LCP2: variants seen among roughly 807,000 people sequenced by gnomAD.
LCP2 encodes 76 kDa tyrosine phosphoprotein.
In LCP2, 29 loss-of-function variants were observed where a neutral mutation model predicts 74.5. The ratio of observed to expected loss-of-function variants is 0.39; its 90% CI spans 0.29 to 0.53. LCP2 has a LOEUF of 0.53. Ranked by LOEUF, LCP2 falls within the 20% of genes least tolerant of loss-of-function variation. The pLI is 0.72. For synonymous variants in LCP2, 228 were observed against 229.5 expected (o/e 0.99, Z 0.06); for missense variants, 604 against 634.6 (o/e 0.95, Z 0.52).
intron 8 of LCP2, chr5:170,267,294 C>T (rs762771393): frequency 1.8e-4 from 108 of 595,890 alleles, no homozygotes; most frequent in Non-Finnish European, 2.9e-4. Flanking sequence ...GCAGAGTGAG[C>T]ATGTCACTTT....
intron 3 of LCP2, among the ~76,000 whole-genome samples, chr5:170,279,802 CG>C (rs1762069986): frequency 6.6e-6 from 1 of 152,112 alleles, no homozygotes; most frequent in Admixed American, 6.5e-5. Context: ...TGGGGGTATG[CG>C]GGGCCTTAGC....
At chr5:170,281,472 GC>G (rs1455232120) in intron 3 of LCP2, among the ~76,000 whole-genome samples, 1 of 152,170 alleles carries the variant, frequency 6.6e-6, no homozygotes, top group Non-Finnish European at 1.5e-5. Flanking sequence ...AGTAGAAACA[GC>G]GTTTCACTGT....
intron 13 of LCP2, 79 bp from the exon 14 acceptor site, chr5:170,261,216 C>T (rs2113164349): frequency 9.1e-7 from 1 of 1,104,632 alleles, no homozygotes; most frequent in Non-Finnish European, 1.4e-6. Context: ...AGTTTTGCTT[C>T]ATTGAATAAT....
intron 13 of LCP2, among the ~76,000 whole-genome samples, chr5:170,261,425 ACACT>A (rs757208099): frequency 5.3e-4 from 79 of 149,736 alleles, no homozygotes; most frequent in Non-Finnish European, 1.0e-3. Context: ...ATATATATAC[ACACT>A]CTATATGTAT....
intron 19 of LCP2, chr5:170,251,767 CA>C (rs1405036226): frequency 2.4e-6 from 1 of 414,252 alleles, no homozygotes; most frequent in African/African-American, 2.0e-5. Context: ...GCTGACACAG[CA>C]CCCCCAGAAT....
chr5:170,275,307 C>T lies in LCP2; in HGVS notation c.286+13G>A. On this transcript the variant is annotated intron_variant, in intron 5 of 20. Transcript: ENST00000046794. ...CTCCTAAAGCAATCACCTCTGAGCC[C>T]TGAGAGCTTTACCTGTCTCTTCAGG... 1 of 1,613,980 alleles carries T rather than the reference C, an allele frequency of 6.2e-7. No individual in the cohort carries two copies. Among genetic ancestry groups the T allele is most frequent in the Non-Finnish European group, 8.5e-7 (1 of 1,179,874 alleles).
intron 7 of LCP2, among the ~76,000 whole-genome samples, chr5:170,270,098 C>A (rs573260962): frequency 2.0e-4 from 30 of 152,256 alleles, no homozygotes; most frequent in Admixed American, 5.2e-4. Flanking sequence ...AGAATGTAAG[C>A]CCCAGGAGGC....
intron 10 of LCP2, among the ~76,000 whole-genome samples, chr5:170,266,488 G>A (rs1761758620): frequency 6.6e-6 from 1 of 152,174 alleles, no homozygotes; most frequent in Non-Finnish European, 1.5e-5. Context: ...TTGGCTGAAG[G>A]ACAATGGGAT....
At chr5:170,251,508 C>T (rs763047364) in intron 19 of LCP2, 2 of 326,778 alleles carry the variant, frequency 6.1e-6, no homozygotes, top group African/African-American at 2.1e-5. Context: ...AATATTAATA[C>T]TGTAAAGATC....
chr5:170,289,988 G>A (rs1400597296), intron 2 of LCP2, among the ~76,000 whole-genome samples: 2 of 152,104 alleles, frequency 1.3e-5, no homozygotes, highest in African/African-American at 2.4e-5. Context: ...AGGTGGACAT[G>A]AGCCTGGCTG....
At position 170,263,012 on chromosome 5, in the gene LCP2, G is replaced by C; in HGVS notation, c.773-20C>G. ...TCTTTCCTGTAAATGACAGAGAGCA[G>C]ATGGGCCATGAGTTCAGAACTTCAT... On this transcript the variant is annotated intron_variant, in intron 10 of 20. Transcript: ENST00000046794. The C allele has an allele frequency of 6.2e-7, 1 of 1,613,362 alleles. No individual in the cohort carries two copies. The highest frequency in any genetic ancestry group is 8.5e-7 in the Non-Finnish European group (1 of 1,179,512).
chr5:170,250,121 T>TA (rs1481449126), intron 20 of LCP2, among the ~76,000 whole-genome samples: 5 of 152,222 alleles, frequency 3.3e-5, no homozygotes, highest in African/African-American at 1.2e-4. Flanking sequence ...ACTTTGAACT[T>TA]AGAGTATGTT....
At chr5:170,293,538 G>A (rs315729) in intron 1 of LCP2, among the ~76,000 whole-genome samples, 166 bp from the exon 2 acceptor site, 1,541 of 152,246 alleles carry the variant, frequency 0.01, 29 homozygotes, top group African/African-American at 0.034. Flanking sequence ...CCTCAGCCTC[G>A]CTTTCACTAC....
rs1329768890 is a variant in LCP2, at chr5:170,250,846, T to C, written c.1363A>G (p.Thr455Ala). ...FLVRDSSKKT[T>A]TNPYVLMVLY... Reference sequence around the variant, plus strand: ...ACCATGAGGACATATGGATTGGTTGTTGTTTTTTTAGAGCTGTCTCTGACC... The same window carrying C: ...ACCATGAGGACATATGGATTGGTTGCTGTTTTTTTAGAGCTGTCTCTGACC... Residue 455 changes from threonine to alanine, a missense_variant, in exon 20 of 21, where the codon ACA becomes GCA. Thr to Ala is a moderately conservative substitution (Grantham distance 58). Coordinates refer to ENST00000046794, the MANE Select transcript of LCP2 (RefSeq NM_005565.5). 3.1e-6 allele frequency: 5 copies of C among 1,613,678 alleles called. No homozygotes were observed. Among genetic ancestry groups the C allele is most frequent in the East Asian group, 4.5e-5 (2 of 44,878 alleles).
chr5:170,261,407 G>GTATA (rs1554139946), intron 13 of LCP2, among the ~76,000 whole-genome samples: 42 of 146,312 alleles, frequency 2.9e-4, no homozygotes, highest in South Asian at 1.7e-3. Flanking sequence ...GTGTGTGTGT[G>GTATA]TATATATATA....
intron 6 of LCP2, chr5:170,273,716 A>T (rs565291925): frequency 1.9e-5 from 3 of 154,538 alleles, no homozygotes; most frequent in Admixed American, 6.3e-5. Context: ...GTTCCTGGGG[A>T]GGGGTTGTAC....
At chr5:170,294,860 T>C (rs906243107) in intron 1 of LCP2, among the ~76,000 whole-genome samples, 1 of 152,248 alleles carries the variant, frequency 6.6e-6, no homozygotes, top group Non-Finnish European at 1.5e-5. Flanking sequence ...GCTAACTTTG[T>C]GTCTAGATCA....
chr5:170,265,471 T>C (rs1053710419), intron 10 of LCP2, among the ~76,000 whole-genome samples: 6 of 152,234 alleles, frequency 3.9e-5, no homozygotes, highest in African/African-American at 7.2e-5. Flanking sequence ...AAAGAATATT[T>C]TAAAAGAATA....
At chr5:170,277,505 T>C (rs1424161984) in intron 3 of LCP2, among the ~76,000 whole-genome samples, 1 of 151,932 alleles carries the variant, frequency 6.6e-6, no homozygotes, top group Non-Finnish European at 1.5e-5. Flanking sequence ...CCTAGCACTT[T>C]GGGAGGCTGA....
Sources: allele counts gnomAD v4.1 joint callset (sites outside exome capture counted in the v4.1 genomes callset), GRCh38; gene constraint gnomAD v4.1.1; transcripts MANE v1.5; gene names NCBI Gene and HGNC (gene_info 2026-07-23, HGNC 2026-07-21).